The following THSD7B variants were observed in gnomAD, a reference collection of about 807,000 sequenced individuals.
THSD7B encodes thrombospondin type-1 domain-containing protein 7B.
In THSD7B, 138 loss-of-function variants were observed where a neutral mutation model predicts 213.6. The observed-to-expected ratio is 0.65, with a 90% CI of 0.56 to 0.74. The LOEUF is 0.74. THSD7B is among the 30% of genes least tolerant of loss of function. THSD7B has a pLI of 0.00. For synonymous variants in THSD7B, 742 were observed against 687.0 expected (o/e 1.08, Z -1.25); for missense variants, 1,931 against 1,991.5 (o/e 0.97, Z 0.58).
At chr2:136,871,216 A>G (rs1683426426) in intron 1 of THSD7B, among the ~76,000 whole-genome samples, 1 of 152,166 alleles carries the variant, frequency 6.6e-6, no homozygotes, top group African/African-American at 2.4e-5. Context: ...GCAGATGTTC[A>G]GTGGTAAGGT....
chr2:136,803,878 A>C (rs1682233574), intron 1 of THSD7B, among the ~76,000 whole-genome samples: 1 of 152,222 alleles, frequency 6.6e-6, no homozygotes, highest in South Asian at 2.1e-4. Context: ...TCTCAGCTCA[A>C]GGTGTGAGGA....
intron 12 of THSD7B, among the ~76,000 whole-genome samples, chr2:137,342,699 G>A (rs1324615791): frequency 1.0e-5 from 1 of 98,008 alleles, no homozygotes; most frequent in Non-Finnish European, 2.2e-5. Context: ...TACCTAATTT[G>A]GTGAGAAGAT....
chr2:137,500,186 T>A (rs1679669336), intron 15 of THSD7B, among the ~76,000 whole-genome samples: 1 of 152,174 alleles, frequency 6.6e-6, no homozygotes, highest in African/African-American at 2.4e-5. Flanking sequence ...CCCACTTTGA[T>A]ATATCAGAAT....
chr2:137,370,336 C>A (rs573807376), intron 12 of THSD7B, among the ~76,000 whole-genome samples: 1 of 152,128 alleles, frequency 6.6e-6, no homozygotes, highest in African/African-American at 2.4e-5. Context: ...TTTGTTCTCC[C>A]CAGCATCAAC....
chr2:136,927,602 T>A (rs1162089574), intron 2 of THSD7B, among the ~76,000 whole-genome samples: 2 of 152,194 alleles, frequency 1.3e-5, no homozygotes, highest in Admixed American at 1.3e-4. Context: ...TGCAGGACAT[T>A]GAGTTAGCAT....
intron 17 of THSD7B, among the ~76,000 whole-genome samples, chr2:137,591,426 T>C (rs1339808513): frequency 6.6e-6 from 1 of 151,984 alleles, no homozygotes; most frequent in Non-Finnish European, 1.5e-5. Context: ...ATAAATGTCC[T>C]TATTTCCTGA....
At chr2:137,027,769 G>T (rs1686582453) in intron 2 of THSD7B, among the ~76,000 whole-genome samples, 1 of 152,112 alleles carries the variant, frequency 6.6e-6, no homozygotes, top group Admixed American at 6.6e-5. Flanking sequence ...CTGAGGGTAG[G>T]CACTTAATAC....
At chr2:137,280,668 C>G (rs960063247) in intron 12 of THSD7B, among the ~76,000 whole-genome samples, 5 of 152,062 alleles carry the variant, frequency 3.3e-5, no homozygotes, top group Non-Finnish European at 5.9e-5. Context: ...CCCACGTGTT[C>G]TTTCTGCCCA....
At chr2:137,080,243 C>A (rs998017057) in intron 3 of THSD7B, among the ~76,000 whole-genome samples, 2 of 151,858 alleles carry the variant, frequency 1.3e-5, no homozygotes, top group African/African-American at 4.8e-5. Flanking sequence ...CTTCATCACC[C>A]AGGCTGGGGT....
rs1343111003 is a variant in THSD7B, at chr2:137,115,241, G to A, written c.1317G>A (p.Glu439=). 7 of 1,612,802 alleles carry A rather than the reference G, an allele frequency of 4.3e-6. No homozygotes were observed. The South Asian group carries it at 7.7e-5, about 18-fold the overall frequency. The change falls in exon 5 of 28, where the codon GAG becomes GAA. Residue 439 remains glutamate, a synonymous_variant. Coordinates refer to ENST00000409968, the MANE Select transcript of THSD7B (RefSeq NM_001316349.2). ...GTGGCGGTGGGATCCAGACCCGGGA[G>A]GTGTACTGTGCCCAGAGCGTACCAG... ...PVCGGGIQTR[E]VYCAQSVPAA...
At chr2:137,519,182 G>T (rs910717963) in intron 15 of THSD7B, among the ~76,000 whole-genome samples, 2 of 152,064 alleles carry the variant, frequency 1.3e-5, no homozygotes, top group African/African-American at 4.8e-5. Context: ...AACCCAGGAG[G>T]TGGAGGTTGC....
chr2:137,410,554 C>G (rs879493357), intron 13 of THSD7B, among the ~76,000 whole-genome samples: 4 of 152,134 alleles, frequency 2.6e-5, no homozygotes, highest in Non-Finnish European at 5.9e-5. Flanking sequence ...CAGATGTGAG[C>G]CACCATGCCC....
chr2:137,586,416 AT>A (rs202020045), intron 17 of THSD7B, among the ~76,000 whole-genome samples: 3,032 of 151,986 alleles, frequency 0.02, 46 homozygotes, highest in Middle Eastern at 0.071. Context: ...AGTTGATGCA[AT>A]TTCTTCCTAG....
intron 5 of THSD7B, among the ~76,000 whole-genome samples, chr2:137,152,384 TTTCTA>T (rs1437059905): frequency 1.3e-5 from 2 of 152,194 alleles, no homozygotes; most frequent in African/African-American, 4.8e-5. Context: ...ACAGCTTACT[TTTCTA>T]TTATAATTTT....
At chr2:136,852,395 A>G (rs1683113696) in intron 1 of THSD7B, among the ~76,000 whole-genome samples, 1 of 152,222 alleles carries the variant, frequency 6.6e-6, no homozygotes, top group Non-Finnish European at 1.5e-5. Flanking sequence ...GTCCTTCTAC[A>G]AGGAACTGAA....
intron 2 of THSD7B, among the ~76,000 whole-genome samples, chr2:137,014,064 G>T (rs936788514): frequency 6.6e-6 from 1 of 152,106 alleles, no homozygotes; most frequent in Non-Finnish European, 1.5e-5. Context: ...CTGCCATCAG[G>T]TGGTGTGTCA....
At chr2:137,065,177 C>G (rs992970306) in intron 3 of THSD7B, among the ~76,000 whole-genome samples, 2 of 151,858 alleles carry the variant, frequency 1.3e-5, no homozygotes, top group African/African-American at 4.8e-5. Context: ...TTTTTGTGCC[C>G]TCTTCAATTT....
At chr2:137,119,345 C>T (rs1000625668) in intron 5 of THSD7B, among the ~76,000 whole-genome samples, 2 of 152,158 alleles carry the variant, frequency 1.3e-5, no homozygotes, top group Non-Finnish European at 2.9e-5. Flanking sequence ...AGGGTGTCCC[C>T]AGTAATTTAC....
chr2:136,981,039 G>A (rs1344095227), intron 2 of THSD7B, among the ~76,000 whole-genome samples: 2 of 119,268 alleles, frequency 1.7e-5, no homozygotes, highest in Non-Finnish European at 3.7e-5. Context: ...GAGCCACAGT[G>A]GGAGCTGCTT....
Sources: allele counts gnomAD v4.1 joint callset (sites outside exome capture counted in the v4.1 genomes callset), GRCh38; gene constraint gnomAD v4.1.1; transcripts MANE v1.5; gene names NCBI Gene and HGNC (gene_info 2026-07-23, HGNC 2026-07-21).